TMEM164: variants seen among roughly 807,000 people sequenced by gnomAD.
The protein encoded by TMEM164 is transmembrane protein 164.
TMEM164 carries 4 observed loss-of-function variants against 18.8 expected under a neutral mutation model. That is an observed-to-expected ratio of 0.21 (90% confidence interval 0.10 to 0.49). The LOEUF is 0.49. Ranked by LOEUF, TMEM164 falls within the 20% of genes least tolerant of loss-of-function variation. The probability of loss-of-function intolerance (pLI) is 0.98; values close to 1 mark genes in which losing one functional copy is unlikely to be tolerated. For synonymous variants in TMEM164, 86 were observed against 101.7 expected (o/e 0.85, Z 0.93); for missense variants, 108 against 239.9 (o/e 0.45, Z 3.63).
intron 2 of TMEM164, among the ~76,000 whole-genome samples, chrX:110,027,627 G>C (rs1934263573): frequency 9.1e-6 from 1 of 110,211 alleles, no homozygotes; most frequent in Non-Finnish European, 1.9e-5. Flanking sequence ...GGGCGTGGTG[G>C]TGTGTACCTG....
At chrX:110,116,378 A>T (rs1166324521) in intron 4 of TMEM164, among the ~76,000 whole-genome samples, 1 of 111,933 alleles carries the variant, frequency 8.9e-6, no homozygotes, top group Non-Finnish European at 1.9e-5. Flanking sequence ...TCCTGGAGTA[A>T]GTGGTCTGGA....
At chrX:110,121,343 A>T (rs1306142324) in intron 4 of TMEM164, among the ~76,000 whole-genome samples, 5 of 112,469 alleles carry the variant, frequency 4.4e-5, no homozygotes, top group Non-Finnish European at 9.4e-5. Flanking sequence ...AAACATTAGC[A>T]TCATCCCCAT....
At chrX:110,073,358 A>G (rs1382725231) in intron 3 of TMEM164, among the ~76,000 whole-genome samples, 3 of 111,602 alleles carry the variant, frequency 2.7e-5, no homozygotes, top group African/African-American at 6.5e-5. Context: ...CTTTATGTCT[A>G]TGTGTATCTA....
chrX:110,107,699 G>A (rs1039810351), intron 3 of TMEM164, among the ~76,000 whole-genome samples: 16 of 90,813 alleles, frequency 1.8e-4, no homozygotes, highest in East Asian at 6.8e-4. Flanking sequence ...TTGCTCTGTC[G>A]CCCAGGCTGT....
intron 4 of TMEM164, among the ~76,000 whole-genome samples, chrX:110,136,223 C>T (rs1307701393): frequency 9.0e-6 from 1 of 111,393 alleles, no homozygotes; most frequent in Non-Finnish European, 1.9e-5. Context: ...ATGTGGTATT[C>T]TGTACCATGA....
At chrX:110,088,003 G>A (rs1241975117) in intron 3 of TMEM164, among the ~76,000 whole-genome samples, 5 of 112,089 alleles carry the variant, frequency 4.5e-5, no homozygotes, top group Admixed American at 3.8e-4. Flanking sequence ...AGCCTGACAC[G>A]TGATCTTGGC....
chrX:110,105,221 T>C (rs763250152), intron 3 of TMEM164, among the ~76,000 whole-genome samples: 2 of 96,280 alleles, frequency 2.1e-5, no homozygotes, highest in East Asian at 6.8e-4. Flanking sequence ...TCCATCCATC[T>C]ATCCATCTTG....
chrX:110,137,886 T>A (rs760318385), intron 4 of TMEM164, among the ~76,000 whole-genome samples: 1 of 111,625 alleles, frequency 9.0e-6, no homozygotes, highest in Non-Finnish European at 1.9e-5. Context: ...AACAGGAGAG[T>A]GGAGTTGACC....
rs56056315 is a variant in TMEM164 at position 110,072,296 on chromosome X, CAAAAAAA to C, written c.440+4915_440+4921del. Among the ~76,000 whole-genome samples, 3 of 46,285 alleles carry C rather than the reference CAAAAAAA, an allele frequency of 6.5e-5. No homozygotes were observed. In the East Asian group the frequency reaches 3.1e-3, roughly 48 times the overall value. 40.2% of individuals were successfully genotyped at this position (46,285 alleles called of 115,157 possible). A position where few individuals can be genotyped will look rare whatever the true frequency, so the allele number is the denominator to read the frequency against. ...AGCCTGGGCGACAGAGACTCCATCT[CAAAAAAA>C]AAAAAAAAAAAAAAGAAATTATGTA... On this transcript the variant is annotated intron_variant, in intron 3 of 6. Coordinates refer to ENST00000372068, the MANE Select transcript of TMEM164 (RefSeq NM_032227.4).
intron 3 of TMEM164, among the ~76,000 whole-genome samples, chrX:110,076,734 C>T (rs1259070482): frequency 1.8e-5 from 2 of 112,031 alleles, no homozygotes. Context: ...ATCCCAAAAT[C>T]GTTCAGGAAC....
chrX:110,091,744 T>C (rs760966069), intron 3 of TMEM164, among the ~76,000 whole-genome samples: 6 of 112,434 alleles, frequency 5.3e-5, no homozygotes, highest in Middle Eastern at 4.6e-3. Flanking sequence ...TGTCTTTTGT[T>C]GCCATTGCTT....
intron 3 of TMEM164, among the ~76,000 whole-genome samples, chrX:110,076,896 A>G (rs1384394376): frequency 8.9e-6 from 1 of 112,093 alleles, no homozygotes; most frequent in African/African-American, 3.2e-5. Context: ...ATCTTAGAGT[A>G]TGTTCCGTGT....
intron 3 of TMEM164, among the ~76,000 whole-genome samples, chrX:110,082,877 ATATTT>A (rs1432061788): frequency 2.7e-5 from 3 of 110,807 alleles, no homozygotes; most frequent in Non-Finnish European, 5.7e-5. Flanking sequence ...AGCTATTTAC[ATATTT>A]TATTCTGTAG....
chrX:110,006,495 G>T (rs1162214183), intron 2 of TMEM164, among the ~76,000 whole-genome samples: 1 of 110,689 alleles, frequency 9.0e-6, no homozygotes, highest in African/African-American at 3.3e-5. Flanking sequence ...GGCATACCAG[G>T]AGACCTAGCC....
intron 3 of TMEM164, among the ~76,000 whole-genome samples, chrX:110,094,407 C>T (rs1419423388): frequency 8.9e-6 from 1 of 112,060 alleles, no homozygotes; most frequent in African/African-American, 3.2e-5. Context: ...GTTAGCTCTT[C>T]TTGTTGAATT....
Position 110,171,621 on chromosome X carries a change from C to A in TMEM164, c.687+101C>A. On this transcript the variant is annotated intron_variant, in intron 6 of 6. Transcript: ENST00000372068. ...GACGTATCACTTTGTTTTGAAAATG[C>A]AAGATGCTAAAGGCCAGGATGTCAG... The A allele has an allele frequency of 1.1e-5, 8 of 697,381 alleles. No individual in the cohort carries two copies. The South Asian group carries it at 1.7e-4, about 15-fold the overall frequency. The allele number at this position is 697,381 out of a possible 1,213,427, so 57.5% of individuals were successfully genotyped here.
chrX:110,059,088 G>A (rs1280114252), intron 2 of TMEM164, among the ~76,000 whole-genome samples: 2 of 111,290 alleles, frequency 1.8e-5, no homozygotes, highest in Non-Finnish European at 3.8e-5. Context: ...GTATCCCTAT[G>A]CTTTCTTTTA....
At chrX:110,022,013 G>A (rs1306819624) in intron 2 of TMEM164, among the ~76,000 whole-genome samples, 1 of 111,523 alleles carries the variant, frequency 9.0e-6, no homozygotes, top group Non-Finnish European at 1.9e-5. Context: ...TAGGGCAGCA[G>A]ATAATAAAAC....
intron 2 of TMEM164, among the ~76,000 whole-genome samples, chrX:110,049,602 A>G (rs1935462768): frequency 9.0e-6 from 1 of 111,559 alleles, no homozygotes; most frequent in Non-Finnish European, 1.9e-5. Flanking sequence ...GGTTCCTAAC[A>G]GGCCATAGAT....
Sources: allele counts gnomAD v4.1 joint callset (sites outside exome capture counted in the v4.1 genomes callset), GRCh38; gene constraint gnomAD v4.1.1; transcripts MANE v1.5; gene names NCBI Gene and HGNC (gene_info 2026-07-23, HGNC 2026-07-21).